NAXD: variants seen among roughly 807,000 people sequenced by gnomAD.
NAXD encodes the protein NAD(P)HX dehydratase, also known as ATP-dependent (S)-NAD(P)H-hydrate dehydratase.
A neutral mutation model predicts 35.8 loss-of-function variants in NAXD; 22 were observed. The observed-to-expected ratio is 0.62, with a 90% CI of 0.44 to 0.88. The LOEUF (loss-of-function observed/expected upper bound fraction) is 0.88. NAXD is among the 40% of genes least tolerant of loss of function. NAXD has a pLI of 0.00. For synonymous variants in NAXD, 189 were observed against 177.6 expected, an observed-to-expected ratio of 1.06 and a Z score of -0.51; for missense variants, 428 against 437.7, an observed-to-expected ratio of 0.98 and a Z score of 0.20.
intron 4 of NAXD, 46 bp from the exon 5 acceptor site, chr13:110,627,389 GTAAA>G (rs1432066046): frequency 1.7e-6 from 2 of 1,171,746 alleles, no homozygotes; most frequent in South Asian, 1.3e-5. Context: ...ATGACAGTAA[GTAAA>G]TGAGGAATTG....
chr13:110,622,175 C>T (rs1012968887), intron 1 of NAXD, 41 bp from the exon 2 acceptor site: 6 of 1,562,026 alleles, frequency 3.8e-6, no homozygotes, highest in African/African-American at 2.7e-5. Flanking sequence ...CTAACAATAT[C>T]TGTTTACCTT....
chr13:110,617,097 T>G (rs1163782974), intron 1 of NAXD, among the ~76,000 whole-genome samples: 1 of 152,248 alleles, frequency 6.6e-6, no homozygotes, highest in Non-Finnish European at 1.5e-5. Flanking sequence ...ATTATCAGAC[T>G]GCCTAAACTT....
In NAXD at chr13:110,637,235, A is replaced by G; in HGVS notation, c.825A>G (p.Pro275=). The change falls in exon 9 of 10, where the codon CCA becomes CCG. Residue 275 remains proline, a synonymous_variant. Transcript: ENST00000680254. The part of the protein sequence containing the change: ...VLVHWALLAG[P]QKTNGSSPLL... ...TACACTGGGCGCTCCTTGCTGGACC[A>G]CAGAAAACAAATGGGTAAGGCCACG... 1 of 1,614,002 alleles carries G rather than the reference A, an allele frequency of 6.2e-7. No individual in the cohort carries two copies. Among genetic ancestry groups the G allele is most frequent in the Non-Finnish European group, 8.5e-7 (1 of 1,179,970 alleles).
chr13:110,616,588 C>T (rs931324510), intron 1 of NAXD, among the ~76,000 whole-genome samples: 1 of 152,234 alleles, frequency 6.6e-6, no homozygotes, highest in African/African-American at 2.4e-5. Context: ...AGAATTTAAA[C>T]AGGAGCTGAG....
Position 110,625,265 on chromosome 13 carries a change from G to A in NAXD, c.319G>A (p.Val107Ile), listed in dbSNP as rs147657999. 170 of 1,612,202 alleles carry A rather than the reference G, an allele frequency of 1.1e-4. No individual in the cohort carries two copies. In the African/African-American group the frequency reaches 1.6e-3, roughly 15 times the overall value. ...VIKAYSPELI[V>I]HPVLDSPNAV... ...TAAGGCCTACAGCCCGGAGCTGATC[G>A]TCCACCCAGTTCTGTGAGTCGCTCT... The change falls in exon 4 of 10, where the codon GTC (valine) becomes ATC (isoleucine). Residue 107 changes from valine (V) to isoleucine (I), a missense_variant. Physicochemically the swap from Val to Ile is conservative, Grantham distance 29 (BLOSUM62 3). Transcript: ENST00000680254.
chr13:110,637,810 G>A (rs1182612651), intron 9 of NAXD: 2 of 465,156 alleles, frequency 4.3e-6, no homozygotes, highest in Non-Finnish European at 8.6e-6. Flanking sequence ...TCTGGAGGGT[G>A]GGCAGGGCTG....
intron 1 of NAXD, among the ~76,000 whole-genome samples, chr13:110,616,706 C>T (rs1438464707): frequency 2.0e-5 from 3 of 152,166 alleles, no homozygotes; most frequent in Non-Finnish European, 4.4e-5. Context: ...TCGTGTATAT[C>T]TCATTTCTCA....
At chr13:110,616,161 C>G (rs954202607) in intron 1 of NAXD, 1 of 217,670 alleles carries the variant, frequency 4.6e-6, no homozygotes, top group African/African-American at 2.3e-5. Flanking sequence ...TGCGGGCTTG[C>G]TGTTTGGTCG....
chr13:110,638,829 T>TA lies in NAXD; in HGVS notation c.*301_*302insA. On this transcript the variant is annotated 3_prime_UTR_variant, in exon 10 of 10. Transcript: ENST00000680254. This position sits in a 1 kb window ranked among gnomAD's most constrained non-coding sequence, Gnocchi z 5.4. ...AAATCACATGAGAATGAAGAATTCT[T>TA]TAGCAGCTCAACAGAGTTTCTCGGC... The TA allele has an allele frequency of 3.8e-6, 2 of 522,614 alleles. No homozygotes were observed. The highest frequency in any genetic ancestry group is 7.1e-6 in the Non-Finnish European group (2 of 280,268). 32.4% of individuals were successfully genotyped at this position (522,614 alleles called of 1,614,324 possible).
intron 4 of NAXD, among the ~76,000 whole-genome samples, chr13:110,627,073 G>A (rs543235250): frequency 5.9e-5 from 9 of 152,298 alleles, no homozygotes; most frequent in African/African-American, 2.2e-4. Context: ...TTAAAAGAGA[G>A]ATCAGGGAGA....
At position 110,638,196 on chromosome 13, in the gene NAXD, A is replaced by G; in HGVS notation, c.840-182A>G. The G allele has an allele frequency of 6.6e-7, 1 of 1,512,852 alleles. No homozygotes were observed. The highest frequency in any genetic ancestry group is 8.9e-7 in the Non-Finnish European group (1 of 1,126,286). The allele number at this position is 1,512,852 out of a possible 1,614,324, so 93.7% of individuals were successfully genotyped here. A position where few individuals can be genotyped will look rare whatever the true frequency, so the allele number is the denominator to read the frequency against. ...TGTGCCTCCTGCCAGGGAGTAGTGG[A>G]GGGTTAATGGTGGTTTTCGCTGTGA... On this transcript the variant is annotated intron_variant, in intron 9 of 9. Transcript: ENST00000680254. This position sits in a 1 kb window ranked among gnomAD's most constrained non-coding sequence, Gnocchi z 5.4.
At position 110,638,877 on chromosome 13, in the gene NAXD, T is replaced by C. The variant is rs1208581817; in HGVS notation, c.*349T>C. On this transcript the variant is annotated 3_prime_UTR_variant, in exon 10 of 10. Transcript: ENST00000680254. The surrounding 1 kb of genome is among the most constrained non-coding windows in gnomAD (Gnocchi z 5.4). ...GGCCTGCTCCCAGATCGGCGAAGTT[T>C]CTACTTGTTACTCTCTCTGCCGGCG... 4.9e-6 allele frequency: 2 copies of C among 408,044 alleles called. No individual in the cohort carries two copies. The highest frequency in any genetic ancestry group is 4.7e-6 in the Non-Finnish European group (1 of 213,342). The allele number at this position is 408,044 out of a possible 1,614,324, so 25.3% of individuals were successfully genotyped here.
intron 1 of NAXD, among the ~76,000 whole-genome samples, chr13:110,619,854 A>T (rs1441989624): frequency 1.3e-5 from 2 of 152,108 alleles, no homozygotes; most frequent in African/African-American, 4.8e-5. Flanking sequence ...GCTGGAGTGC[A>T]GTGGCATAAT....
chr13:110,617,186 G>A (rs1263001276), intron 1 of NAXD, among the ~76,000 whole-genome samples: 1 of 152,178 alleles, frequency 6.6e-6, no homozygotes, highest in Non-Finnish European at 1.5e-5. Flanking sequence ...GTGGTTAAAT[G>A]CTCTAAATTA....
chr13:110,629,872 C>T (rs533920196), intron 5 of NAXD, among the ~76,000 whole-genome samples: 3 of 152,312 alleles, frequency 2.0e-5, no homozygotes, highest in East Asian at 3.9e-4. Context: ...TTCTCCACAT[C>T]GTTCCCAGCA....
intron 8 of NAXD, 90 bp from the exon 9 acceptor site, chr13:110,637,039 G>T: frequency 6.9e-7 from 1 of 1,445,160 alleles, no homozygotes; most frequent in South Asian, 1.4e-5. Context: ...GTGTGGCTCT[G>T]CCTGCCGTGC....
intron 5 of NAXD, among the ~76,000 whole-genome samples, chr13:110,627,869 C>T (rs1886555119): frequency 6.6e-6 from 1 of 152,090 alleles, no homozygotes; most frequent in African/African-American, 2.4e-5. Flanking sequence ...GGGGTCAGGC[C>T]TGGGTGTATC....
At chr13:110,636,005 A>T (rs1023545012) in intron 8 of NAXD, among the ~76,000 whole-genome samples, 1 of 152,244 alleles carries the variant, frequency 6.6e-6, no homozygotes, top group African/African-American at 2.4e-5. Flanking sequence ...TATCAAAATG[A>T]CTGGAAAGTG....
intron 9 of NAXD, 112 bp downstream of exon 9, chr13:110,637,361 G>A (rs1886967959): frequency 7.8e-7 from 1 of 1,276,504 alleles, no homozygotes. Context: ...ATGAACTCTA[G>A]GCTTCACTGG....
Sources: allele counts gnomAD v4.1 joint callset (sites outside exome capture counted in the v4.1 genomes callset), GRCh38; gene constraint gnomAD v4.1.1; non-coding constraint Gnocchi (gnomAD v3.1); transcripts MANE v1.5; gene names NCBI Gene and HGNC (gene_info 2026-07-23, HGNC 2026-07-21).